The following AGAP1 variants were observed in gnomAD, a reference collection of about 807,000 sequenced individuals.
AGAP1 encodes ArfGAP with GTPase domain, ankyrin repeat and PH domain 1.
Under a neutral mutation model 105.3 loss-of-function variants are expected in AGAP1, and 29 were observed. That is an observed-to-expected ratio of 0.28 (90% CI 0.21 to 0.38). The LOEUF (loss-of-function observed/expected upper bound fraction) is 0.38, where lower values mean the gene tolerates loss of function less well. Among genes scored for constraint, AGAP1 ranks in the 10% least tolerant of loss-of-function variants. The probability of loss-of-function intolerance (pLI) is 1.00; values close to 1 mark genes in which losing one functional copy is unlikely to be tolerated. For missense variants in AGAP1, 998 were observed against 1,165.1 expected, an observed-to-expected ratio of 0.86 and a Z score of 2.09; for synonymous variants, 509 against 485.9, an observed-to-expected ratio of 1.05 and a Z score of -0.63.
intron 8 of AGAP1, among the ~76,000 whole-genome samples, chr2:235,804,990 G>A (rs1164042266): frequency 6.6e-6 from 1 of 152,192 alleles, no homozygotes; most frequent in Non-Finnish European, 1.5e-5. Context: ...ACCTTACTGG[G>A]AATTTGTATA....
Position 235,985,682 on chromosome 2 carries a change from G to A in AGAP1, c.1645+17059G>A, listed in dbSNP as rs147319783. On this transcript the variant is annotated intron_variant, in intron 13 of 17. Transcript: ENST00000304032. ...TCTGCATATGGCTAGCCAGTTTTCC[G>A]CATATGACTAGCCAGTTTTCCCAGC... Among the ~76,000 whole-genome samples the A allele has an allele frequency of 5.5e-3, 830 of 151,824 alleles. 12 individuals are homozygous for A. Among genetic ancestry groups the A allele is most frequent in the African/African-American group, 0.018 (765 of 41,494 alleles).
rs773037530 is a variant in AGAP1 at position 235,566,350 on chromosome 2, T to A, written c.163+71501T>A. Among the ~76,000 whole-genome samples the A allele has an allele frequency of 6.6e-6, 1 of 152,194 alleles. No homozygotes were observed. Among genetic ancestry groups the A allele is most frequent in the Non-Finnish European group, 1.5e-5 (1 of 68,036 alleles). ...TCCTAAAGTGTTGGGATTACAGATA[T>A]AAGCCATCACGCCCGGCCTTGTATT... On this transcript the variant is annotated intron_variant, in intron 1 of 17. Coordinates refer to ENST00000304032, the MANE Select transcript of AGAP1 (RefSeq NM_001037131.3). This position sits in a 1 kb window ranked among gnomAD's most constrained non-coding sequence, Gnocchi z 5.2.
chr2:235,590,358 ATG>A (rs531312693), intron 1 of AGAP1, among the ~76,000 whole-genome samples: 7 of 152,310 alleles, frequency 4.6e-5, no homozygotes, highest in African/African-American at 1.7e-4. Flanking sequence ...TTTATGCCAG[ATG>A]CCAAGTTGAC....
chr2:235,784,138 C>A (rs1349181821), intron 6 of AGAP1, among the ~76,000 whole-genome samples: 8 of 151,728 alleles, frequency 5.3e-5, no homozygotes, highest in Admixed American at 2.6e-4. Context: ...AGGGGGAAAT[C>A]AAAAAAATTG....
chr2:236,045,296 G>GT lies in AGAP1; in HGVS notation c.1892-3759dup, dbSNP rs2125696560. On this transcript the variant is annotated intron_variant, in intron 15 of 17. Transcript: ENST00000304032. This position sits in a 1 kb window ranked among gnomAD's most constrained non-coding sequence, Gnocchi z 6.9. Reference sequence around the variant, plus strand: ...TTTCTGTGGGCAGGGATTTTTCTCCGTTTTGTTCACTGCTGTATCCCCAGA... The same window carrying GT: ...TTTCTGTGGGCAGGGATTTTTCTCCGTTTTTGTTCACTGCTGTATCCCCAGA... 6.6e-6 allele frequency among the ~76,000 whole-genome samples: 1 copy of GT among 152,240 alleles called. No homozygotes were observed. The highest frequency in any genetic ancestry group is 1.9e-4 in the East Asian group (1 of 5,180).
intron 10 of AGAP1, among the ~76,000 whole-genome samples, chr2:235,902,552 T>A (rs988934442): frequency 6.6e-6 from 1 of 152,220 alleles, no homozygotes; most frequent in Non-Finnish European, 1.5e-5. Context: ...ATCAAAAATT[T>A]TCATTTGTAT....
Position 235,867,572 on chromosome 2 carries a change from T to TGTGTGTGC in AGAP1, c.1051-15770_1051-15769insTGTGCGTG, listed in dbSNP as rs375110513. Among the ~76,000 whole-genome samples, 8,040 of 148,354 alleles carry TGTGTGTGC rather than the reference T, an allele frequency of 0.054. 298 individuals are homozygous for TGTGTGTGC. The highest frequency in any genetic ancestry group is 0.078 in the Non-Finnish European group (5,217 of 66,998). The stretch of plus-strand genomic sequence containing the variant: ...GTGTGTGTGTGTGTGTGTGTGTGTG[T>TGTGTGTGC]GTGCAAGTGAGGGAGGGTGACCCCC... On this transcript the variant is annotated intron_variant, in intron 9 of 17. Coordinates refer to ENST00000304032, the MANE Select transcript of AGAP1 (RefSeq NM_001037131.3). The surrounding 1 kb of genome is among the most constrained non-coding windows in gnomAD (Gnocchi z 5.4).
intron 13 of AGAP1, among the ~76,000 whole-genome samples, chr2:236,030,884 A>G (rs1418269718): frequency 1.3e-5 from 2 of 152,250 alleles, no homozygotes; most frequent in Non-Finnish European, 2.9e-5. Flanking sequence ...GGAAGGGTAC[A>G]GATTGGCAGA....
intron 13 of AGAP1, among the ~76,000 whole-genome samples, chr2:236,004,702 T>G (rs561286425): frequency 6.6e-6 from 1 of 152,250 alleles, no homozygotes; most frequent in African/African-American, 2.4e-5. Flanking sequence ...AATTCAATAG[T>G]ACTTCTTTCA....
chr2:235,760,100 G>A (rs1424301518), intron 6 of AGAP1, among the ~76,000 whole-genome samples: 1 of 152,194 alleles, frequency 6.6e-6, no homozygotes, highest in Non-Finnish European at 1.5e-5. Context: ...CAGAAGATGG[G>A]CTGGGCGCAG....
rs185842556 is a variant in AGAP1, at chr2:235,701,757, G to A, written c.164-7422G>A. 4.0e-3 allele frequency among the ~76,000 whole-genome samples: 609 copies of A among 152,206 alleles called. 3 individuals carry two copies. The highest frequency in any genetic ancestry group is 6.7e-3 in the Admixed American group (102 of 15,284). ...TTGCAGCGGGCTCTTTTCCGGCTGC[G>A]TTGAAATGGATTTCTTTATTCTATT... On this transcript the variant is annotated intron_variant, in intron 1 of 17. Coordinates refer to ENST00000304032, the MANE Select transcript of AGAP1 (RefSeq NM_001037131.3). The surrounding 1 kb of genome is among the most constrained non-coding windows in gnomAD (Gnocchi z 4.1).
At chr2:235,711,668 G>C (rs952396817) in intron 2 of AGAP1, among the ~76,000 whole-genome samples, 1 of 152,172 alleles carries the variant, frequency 6.6e-6, no homozygotes, top group Non-Finnish European at 1.5e-5. Context: ...TTCTTGTTGT[G>C]GCATCAGCGG....
chr2:236,003,058 G>A lies in AGAP1; in HGVS notation c.1646-33503G>A, dbSNP rs759082300. Among the ~76,000 whole-genome samples, 7 of 152,030 alleles carry A rather than the reference G, an allele frequency of 4.6e-5. No homozygotes were observed. The highest frequency in any genetic ancestry group is 3.3e-4 in the Admixed American group (5 of 15,252). ...AATTACTCACGTATTCGCCCACTGT[G>A]TGCCAACAGAGTCTTGATCTATTGC... On this transcript the variant is annotated intron_variant, in intron 13 of 17. Transcript: ENST00000304032. This position sits in a 1 kb window ranked among gnomAD's most constrained non-coding sequence, Gnocchi z 4.2.
At chr2:236,107,274 C>T (rs749747479) in intron 16 of AGAP1, among the ~76,000 whole-genome samples, 1 of 152,202 alleles carries the variant, frequency 6.6e-6, no homozygotes, top group Admixed American at 6.5e-5. Flanking sequence ...CTGGGTCCCT[C>T]CTCCTCTGTG....
rs1484754297 is a variant in AGAP1 at position 235,973,168 on chromosome 2, G to C, written c.1645+4545G>C. Among the ~76,000 whole-genome samples the C allele has an allele frequency of 6.6e-6, 1 of 152,190 alleles. No individual in the cohort carries two copies. Among genetic ancestry groups the C allele is most frequent in the Non-Finnish European group, 1.5e-5 (1 of 68,030 alleles). ...ATGGAAATTGGGCCGTTCCTGCCCT[G>C]GAGTTTCTCCCTGCGCAGGTGCTCG... is the stretch of plus-strand genomic sequence containing the variant. On this transcript the variant is annotated intron_variant, in intron 13 of 17. Coordinates refer to ENST00000304032, the MANE Select transcript of AGAP1 (RefSeq NM_001037131.3). This position sits in a 1 kb window ranked among gnomAD's most constrained non-coding sequence, Gnocchi z 4.7.
At chr2:235,945,650 C>T (rs1401844983) in intron 12 of AGAP1, among the ~76,000 whole-genome samples, 3 of 152,112 alleles carry the variant, frequency 2.0e-5, no homozygotes, top group East Asian at 3.9e-4. Context: ...CTAAAAAACT[C>T]AGTCCTACAC....
intron 16 of AGAP1, among the ~76,000 whole-genome samples, chr2:236,086,289 C>T (rs2058926976): frequency 6.6e-6 from 1 of 152,156 alleles, no homozygotes; most frequent in Non-Finnish European, 1.5e-5. Flanking sequence ...ACTTGAAATT[C>T]TCAGAAGGCG....
chr2:235,902,567 G>T (rs977711088), intron 10 of AGAP1, among the ~76,000 whole-genome samples: 1 of 152,080 alleles, frequency 6.6e-6, no homozygotes, highest in Non-Finnish European at 1.5e-5. Flanking sequence ...TTGTATCACC[G>T]CCAATCTTGT....
At chr2:235,761,478 C>T (rs1428353822) in intron 6 of AGAP1, among the ~76,000 whole-genome samples, 2 of 152,184 alleles carry the variant, frequency 1.3e-5, no homozygotes, top group East Asian at 1.9e-4. Context: ...TATTTTAATA[C>T]TTCTCTGCAC....
Sources: allele counts gnomAD v4.1 joint callset (sites outside exome capture counted in the v4.1 genomes callset), GRCh38; gene constraint gnomAD v4.1.1; non-coding constraint Gnocchi (gnomAD v3.1); transcripts MANE v1.5; gene names NCBI Gene and HGNC (gene_info 2026-07-23, HGNC 2026-07-21).